ABLIM1: variants seen among roughly 807,000 people sequenced by gnomAD.
ABLIM1 encodes the protein actin-binding LIM protein 1.
Under a neutral mutation model 107.0 loss-of-function variants are expected in ABLIM1, and 40 were observed. The ratio of observed to expected loss-of-function variants is 0.37; its 90% CI spans 0.29 to 0.49. ABLIM1 has a LOEUF of 0.49. ABLIM1 is among the 20% of genes least tolerant of loss of function. The probability of loss-of-function intolerance (pLI) is 0.97; values close to 1 mark genes in which losing one functional copy is unlikely to be tolerated. For synonymous variants in ABLIM1, 357 were observed against 357.3 expected (o/e 1.00, Z 0.01); for missense variants, 857 against 1,008.5 (o/e 0.85, Z 2.04).
intron 7 of ABLIM1, among the ~76,000 whole-genome samples, chr10:114,488,743 C>T (rs1201650115): frequency 1.3e-5 from 2 of 152,164 alleles, no homozygotes; most frequent in Non-Finnish European, 2.9e-5. Context: ...TTAAACAAAA[C>T]ACTTATCTCC....
At chr10:114,626,076 G>A (rs1214131723) in intron 1 of ABLIM1, among the ~76,000 whole-genome samples, 2 of 152,192 alleles carry the variant, frequency 1.3e-5, no homozygotes, top group African/African-American at 2.4e-5. Context: ...TGACAAGCAG[G>A]AAGCTTTGAA....
rs2247528 is a variant in ABLIM1 at position 114,547,745 on chromosome 10, A to G, written c.705T>C (p.Asn235=). The G allele has an allele frequency of 0.73, 1,177,235 of 1,611,680 alleles. 432,176 individuals carry two copies. Among genetic ancestry groups the G allele is most frequent in the African/African-American group, 0.92 (69,263 of 75,050 alleles). Residue 235 remains asparagine, a synonymous_variant, in exon 5 of 23, where the codon AAT becomes AAC. Coordinates refer to ENST00000533213, the MANE Select transcript of ABLIM1 (RefSeq NM_002313.7). ...TATCCAGCGCCAGCAGCGCCTGCCCATTCTTGATATCTCTTCCGCAGCCGG... is the reference window on the plus strand; with the variant it reads ...TATCCAGCGCCAGCAGCGCCTGCCCGTTCTTGATATCTCTTCCGCAGCCGG... ...NCAGCGRDIK[N]GQALLALDKQ... is the part of the protein sequence containing the mutation.
Position 114,447,906 on chromosome 10 carries a change from G to C in ABLIM1, c.1709C>G (p.Pro570Arg). 6.2e-7 allele frequency: 1 copy of C among 1,614,102 alleles called. No individual in the cohort carries two copies. Among genetic ancestry groups the C allele is most frequent in the Non-Finnish European group, 8.5e-7 (1 of 1,180,012 alleles). Residue 570 changes from proline to arginine, a missense_variant, in exon 15 of 23, where the codon CCT (proline) becomes CGT (arginine). Pro to Arg is a moderately radical substitution (Grantham distance 103). Coordinates refer to ENST00000533213, the MANE Select transcript of ABLIM1 (RefSeq NM_002313.7). ...TACGACAGCAAATGAGGGGGGACCAGGCCAGTGGTCCGTCTCAATCTTTGG... is the reference window on the plus strand; with the variant it reads ...TACGACAGCAAATGAGGGGGGACCACGCCAGTGGTCCGTCTCAATCTTTGG... ...ETPKIETDHW[P>R]GPPSFAVVGP...
At chr10:114,631,242 G>A (rs975422556) in intron 1 of ABLIM1, among the ~76,000 whole-genome samples, 1 of 152,154 alleles carries the variant, frequency 6.6e-6, no homozygotes, top group Admixed American at 6.5e-5. Context: ...TCCATTTCAG[G>A]ACCACGCCTA....
chr10:114,655,925 G>GT (rs1412060549), intron 1 of ABLIM1, among the ~76,000 whole-genome samples: 3 of 152,140 alleles, frequency 2.0e-5, no homozygotes, highest in Non-Finnish European at 4.4e-5. Context: ...CCAAAGCTCT[G>GT]TATAGGCACA....
At chr10:114,611,593 C>G (rs1293926791) in intron 1 of ABLIM1, among the ~76,000 whole-genome samples, 1 of 152,208 alleles carries the variant, frequency 6.6e-6, no homozygotes, top group Non-Finnish European at 1.5e-5. Context: ...CAGCTGGACT[C>G]CTGATTATAG....
intron 1 of ABLIM1, among the ~76,000 whole-genome samples, chr10:114,669,794 G>C (rs1042731546): frequency 1.3e-5 from 2 of 152,104 alleles, no homozygotes; most frequent in African/African-American, 4.8e-5. Context: ...CTGGAGCTCC[G>C]TGTGTGTGTT....
At chr10:114,448,057 T>A in intron 14 of ABLIM1, 37 bp from the exon 15 acceptor site, 1 of 1,613,700 alleles carries the variant, frequency 6.2e-7, no homozygotes. Context: ...GCTTAGCTAT[T>A]GGTCTGTAAG....
intron 7 of ABLIM1, among the ~76,000 whole-genome samples, chr10:114,490,606 G>A (rs1377931028): frequency 6.6e-6 from 1 of 152,074 alleles, no homozygotes; most frequent in African/African-American, 2.4e-5. Context: ...ACCCTTGTTT[G>A]ATTAATAACT....
intron 1 of ABLIM1, among the ~76,000 whole-genome samples, chr10:114,751,946 A>G (rs2082523515): frequency 6.6e-6 from 1 of 152,134 alleles, no homozygotes; most frequent in African/African-American, 2.4e-5. Context: ...AGTGCATTTA[A>G]TCACACAGCA....
intron 1 of ABLIM1, among the ~76,000 whole-genome samples, chr10:114,649,125 C>T (rs1262827341): frequency 1.3e-5 from 2 of 152,014 alleles, no homozygotes; most frequent in East Asian, 1.9e-4. Flanking sequence ...TGGCTGGGCA[C>T]GGTGGCTCAC....
chr10:114,607,151 C>T (rs776242149), intron 1 of ABLIM1, among the ~76,000 whole-genome samples: 1 of 152,204 alleles, frequency 6.6e-6, no homozygotes. Context: ...CAATCTCTGC[C>T]TCCTGGGTTC....
chr10:114,665,357 G>GC (rs2079982775), intron 1 of ABLIM1, among the ~76,000 whole-genome samples: 1 of 152,166 alleles, frequency 6.6e-6, no homozygotes, highest in Non-Finnish European at 1.5e-5. Context: ...TGAAGATACT[G>GC]GTGTTCCATC....
intron 6 of ABLIM1, among the ~76,000 whole-genome samples, chr10:114,515,594 T>C (rs561542840): frequency 6.6e-6 from 1 of 152,362 alleles, no homozygotes; most frequent in Admixed American, 6.5e-5. Flanking sequence ...CTGATGTTAC[T>C]GGTTGACTTG....
chr10:114,794,977 T>C, the ABLIM1 span, among the ~76,000 whole-genome samples: 4 of 152,176 alleles, frequency 2.6e-5, no homozygotes. Flanking sequence ...TTTAAGGAAA[T>C]TGAAAGCTTG....
intron 1 of ABLIM1, among the ~76,000 whole-genome samples, chr10:114,626,519 A>C (rs2077810878): frequency 6.6e-6 from 1 of 152,018 alleles, no homozygotes; most frequent in Non-Finnish European, 1.5e-5. Context: ...CACTGGCTTA[A>C]GGTCTATAAA....
At chr10:114,597,464 GA>G (rs2075535161) in intron 2 of ABLIM1, among the ~76,000 whole-genome samples, 1 of 149,382 alleles carries the variant, frequency 6.7e-6, no homozygotes, top group African/African-American at 2.5e-5. Flanking sequence ...GGAAAGAAAT[GA>G]AAGAAGGAAA....
chr10:114,734,631 C>A (rs1391112568), intron 1 of ABLIM1, among the ~76,000 whole-genome samples: 2 of 151,610 alleles, frequency 1.3e-5, no homozygotes, highest in Admixed American at 6.6e-5. Flanking sequence ...GGAAGACTTC[C>A]CAGACCACTG....
intron 6 of ABLIM1, among the ~76,000 whole-genome samples, chr10:114,515,740 A>G (rs1340965297): frequency 6.6e-6 from 1 of 152,222 alleles, no homozygotes; most frequent in African/African-American, 2.4e-5. Flanking sequence ...TTAATCCACT[A>G]TGACTGATGT....
Sources: gnomAD v4.1 joint callset for allele counts (sites outside exome capture counted in the v4.1 genomes callset) on GRCh38, gnomAD v4.1.1 for gene constraint, MANE v1.5 for transcripts, NCBI Gene and HGNC (gene_info 2026-07-23, HGNC 2026-07-21) for gene names.